Variants in FSTL5 observed in about 807,000 individuals in gnomAD.
FSTL5 encodes follistatin-related protein 5.
In FSTL5, 62 loss-of-function variants were observed where a neutral mutation model predicts 89.1. The observed-to-expected ratio is 0.70, with a 90% CI of 0.57 to 0.86. FSTL5 has a LOEUF of 0.86. Ranked by LOEUF, FSTL5 falls within the 40% of genes least tolerant of loss-of-function variation. The pLI is 0.00. For missense variants in FSTL5, 1,057 were observed against 1,001.6 expected (o/e 1.06, Z -0.75); for synonymous variants, 383 against 346.2 (o/e 1.11, Z -1.18).
intron 4 of FSTL5, among the ~76,000 whole-genome samples, chr4:161,855,837 C>A: frequency 6.6e-6 from 1 of 151,952 alleles, no homozygotes. Context: ...TTTTTTCCAA[C>A]CTGTATTACA....
intron 4 of FSTL5, among the ~76,000 whole-genome samples, chr4:161,799,313 A>G (rs1032523440): frequency 3.3e-5 from 5 of 151,696 alleles, no homozygotes; most frequent in Admixed American, 2.6e-4. Flanking sequence ...GGTAGTGATG[A>G]GTGAGTTATG....
At chr4:161,511,351 G>T (rs558732986) in intron 10 of FSTL5, among the ~76,000 whole-genome samples, 2 of 152,142 alleles carry the variant, frequency 1.3e-5, no homozygotes, top group African/African-American at 2.4e-5. Context: ...GCAGTTTTCA[G>T]CATCTGCTAT....
rs189617801 is a variant in FSTL5, at chr4:161,439,317, T to C, written c.1841+15687A>G. ...TTTAAATGGTGTCGAGTGTGTATGT[T>C]TGGTGTTTGTGGATGAGTGAGTTGG... On this transcript the variant is annotated intron_variant, in intron 15 of 15. Coordinates refer to ENST00000306100, the MANE Select transcript of FSTL5 (RefSeq NM_020116.5). 5.3e-5 allele frequency among the ~76,000 whole-genome samples: 8 copies of C among 152,310 alleles called. No homozygotes were observed. The East Asian group carries it at 1.5e-3, about 29-fold the overall frequency.
chr4:161,772,814 C>T (rs912005828), intron 5 of FSTL5, among the ~76,000 whole-genome samples: 24 of 152,124 alleles, frequency 1.6e-4, no homozygotes, highest in African/African-American at 5.3e-4. Flanking sequence ...TAAAATACCT[C>T]CATCATTCTT....
chr4:162,014,132 G>A (rs1014651322), intron 3 of FSTL5, among the ~76,000 whole-genome samples: 1 of 152,194 alleles, frequency 6.6e-6, no homozygotes, highest in Non-Finnish European at 1.5e-5. Context: ...GGGAGGCTCA[G>A]GAGATACCAC....
chr4:162,116,734 G>C (rs1231252793), intron 1 of FSTL5, among the ~76,000 whole-genome samples: 1 of 152,178 alleles, frequency 6.6e-6, no homozygotes, highest in Non-Finnish European at 1.5e-5. Context: ...GAAGGTGCAA[G>C]GGAAAAGAGC....
chr4:161,606,049 G>T (rs1468190374), intron 7 of FSTL5, among the ~76,000 whole-genome samples: 1 of 149,306 alleles, frequency 6.7e-6, no homozygotes, highest in Non-Finnish European at 1.5e-5. Flanking sequence ...CTTACTGGAA[G>T]ATGAGACACC....
At chr4:161,860,355 T>C (rs1313345864) in intron 4 of FSTL5, among the ~76,000 whole-genome samples, 1 of 152,156 alleles carries the variant, frequency 6.6e-6, no homozygotes. Flanking sequence ...ATTATGAAGA[T>C]GGGTCAGAGA....
At chr4:161,601,593 C>T (rs1734239760) in intron 7 of FSTL5, among the ~76,000 whole-genome samples, 1 of 152,060 alleles carries the variant, frequency 6.6e-6, no homozygotes, top group African/African-American at 2.4e-5. Context: ...AACCAGCAAA[C>T]AAGCAAGCAA....
At position 161,666,758 on chromosome 4, in the gene FSTL5, G is replaced by T. The variant is rs144959411; in HGVS notation, c.728-10264C>A. 6.0e-3 allele frequency among the ~76,000 whole-genome samples: 918 copies of T among 152,178 alleles called. 9 individuals are homozygous for T. Among genetic ancestry groups the T allele is most frequent in the South Asian group, 0.045 (218 of 4,826 alleles). ...GGAAAAGGGGCCAGTAGAAAGAAAA[G>T]TTCTGAATATAAAATTGAGAAAATA... On this transcript the variant is annotated intron_variant, in intron 6 of 15. Coordinates refer to ENST00000306100, the MANE Select transcript of FSTL5 (RefSeq NM_020116.5).
At chr4:161,847,107 G>A (rs978124760) in intron 4 of FSTL5, among the ~76,000 whole-genome samples, 13 of 151,998 alleles carry the variant, frequency 8.6e-5, no homozygotes, top group Non-Finnish European at 2.9e-5. Flanking sequence ...TTTAATGTCA[G>A]AATAGTTATA....
At chr4:161,788,769 G>A (rs967252439) in intron 4 of FSTL5, among the ~76,000 whole-genome samples, 1 of 152,086 alleles carries the variant, frequency 6.6e-6, no homozygotes, top group Non-Finnish European at 1.5e-5. Flanking sequence ...GTGGTGATGT[G>A]TACCTGTAGT....
chr4:161,704,162 G>T (rs1002703018), intron 6 of FSTL5, among the ~76,000 whole-genome samples: 1 of 152,024 alleles, frequency 6.6e-6, no homozygotes, highest in Non-Finnish European at 1.5e-5. Flanking sequence ...CTTTGGCGAG[G>T]CTAATCAGAA....
chr4:161,490,303 A>G (rs1161135259), intron 12 of FSTL5, among the ~76,000 whole-genome samples: 1 of 152,142 alleles, frequency 6.6e-6, no homozygotes. Flanking sequence ...TTTAGTAATG[A>G]CACATGAGTT....
chr4:161,705,369 A>C (rs948645568), intron 6 of FSTL5, among the ~76,000 whole-genome samples: 7 of 152,094 alleles, frequency 4.6e-5, no homozygotes, highest in Non-Finnish European at 8.8e-5. Context: ...CTAAAAGAAA[A>C]GTCAGCAAAA....
At chr4:161,733,113 T>C (rs943718717) in intron 6 of FSTL5, among the ~76,000 whole-genome samples, 1 of 152,006 alleles carries the variant, frequency 6.6e-6, no homozygotes, top group Non-Finnish European at 1.5e-5. Flanking sequence ...TTCTGTTTCC[T>C]GAACATGATT....
At chr4:162,070,108 T>C (rs370183792) in intron 2 of FSTL5, among the ~76,000 whole-genome samples, 5 of 152,022 alleles carry the variant, frequency 3.3e-5, no homozygotes, top group African/African-American at 1.2e-4. Flanking sequence ...GTGGTTTTGG[T>C]TTGCATTTTC....
intron 4 of FSTL5, among the ~76,000 whole-genome samples, chr4:161,813,026 A>G (rs1730207964): frequency 6.7e-6 from 1 of 149,506 alleles, no homozygotes; most frequent in Non-Finnish European, 1.5e-5. Flanking sequence ...ACTGTGAAAG[A>G]TCCCTTTTTT....
intron 3 of FSTL5, among the ~76,000 whole-genome samples, chr4:161,988,792 T>C (rs892568306): frequency 6.6e-6 from 1 of 152,162 alleles, no homozygotes; most frequent in Non-Finnish European, 1.5e-5. Context: ...CTAATTCTAA[T>C]AATGAAATAA....
Sources: allele counts gnomAD v4.1 joint callset (sites outside exome capture counted in the v4.1 genomes callset), GRCh38; gene constraint gnomAD v4.1.1; transcripts MANE v1.5; gene names NCBI Gene and HGNC (gene_info 2026-07-23, HGNC 2026-07-21).